BICRAL: variants seen among roughly 807,000 people sequenced by gnomAD.
BICRAL encodes the protein BICRA like chromatin remodeling complex associated protein, also known as BRD4-interacting chromatin-remodeling complex-associated protein-like.
Under a neutral mutation model 91.8 loss-of-function variants are expected in BICRAL, and 8 were observed. The ratio of observed to expected loss-of-function variants is 0.09; its 90% CI spans 0.05 to 0.16. BICRAL has a LOEUF of 0.16. BICRAL is among the 10% of genes least tolerant of loss of function. The pLI, the probability that BICRAL is intolerant of heterozygous loss-of-function variation, is 1.00. For missense variants in BICRAL, 1,038 were observed against 1,310.9 expected, an observed-to-expected ratio of 0.79 and a Z score of 3.21; for synonymous variants, 445 against 491.1, an observed-to-expected ratio of 0.91 and a Z score of 1.24.
At chr6:42,850,968 A>T (rs1765160436) in intron 6 of BICRAL, among the ~76,000 whole-genome samples, 1 of 152,116 alleles carries the variant, frequency 6.6e-6, no homozygotes, top group Non-Finnish European at 1.5e-5. Context: ...GGGTGGATGG[A>T]TCACTTGAGG....
chr6:42,812,399 C>T (rs953894176), intron 2 of BICRAL, among the ~76,000 whole-genome samples: 1 of 151,962 alleles, frequency 6.6e-6, no homozygotes, highest in Admixed American at 6.6e-5. Flanking sequence ...TCAAGACCAC[C>T]CTGGGCAACA....
At chr6:42,818,758 T>C (rs758640611) in intron 2 of BICRAL, among the ~76,000 whole-genome samples, 1 of 152,232 alleles carries the variant, frequency 6.6e-6, no homozygotes, top group Non-Finnish European at 1.5e-5. Flanking sequence ...GTGTAAGATA[T>C]GAGGTGTGAA....
chr6:42,822,339 C>T, intron 3 of BICRAL, among the ~76,000 whole-genome samples: 1 of 151,570 alleles, frequency 6.6e-6, no homozygotes, highest in South Asian at 2.1e-4. Flanking sequence ...CTCCCAGGCC[C>T]ACACGATCCT....
rs571056207 is a variant in BICRAL, at chr6:42,791,925, G to A, written c.-102+9824G>A. Among the ~76,000 whole-genome samples the A allele has an allele frequency of 2.0e-5, 3 of 152,288 alleles. No individual in the cohort carries two copies. In the South Asian group the frequency reaches 6.2e-4, roughly 32 times the overall value. On this transcript the variant is annotated intron_variant, in intron 1 of 12. Transcript: ENST00000314073. Reference sequence around the variant, plus strand: ...CCACACACCTAGGCTATATGATATAGCCTATTCCTCCTGTATTGTAAACCT... The same window carrying A: ...CCACACACCTAGGCTATATGATATAACCTATTCCTCCTGTATTGTAAACCT...
Position 42,862,539 on chromosome 6 carries a change from G to A in BICRAL, c.2379G>A (p.Met793Ile). 1.2e-6 allele frequency: 2 copies of A among 1,611,238 alleles called. No homozygotes were observed. Among genetic ancestry groups the A allele is most frequent in the East Asian group, 2.2e-5 (1 of 44,860 alleles). ...TCAATCCCTCTGCTGAGATGGTGAT[G>A]ATCGATAGGATGTTCAACCAGGAGG... ...MRINPSAEMV[M>I]IDRMFNQEER... The change falls in exon 12 of 13, where the codon ATG becomes ATA. Residue 793 changes from methionine to isoleucine, a missense_variant. Coordinates refer to ENST00000314073, the MANE Select transcript of BICRAL (RefSeq NM_001393499.1).
intron 6 of BICRAL, among the ~76,000 whole-genome samples, chr6:42,832,245 G>A (rs936940123): frequency 6.6e-5 from 10 of 151,330 alleles, no homozygotes; most frequent in African/African-American, 2.4e-4. Flanking sequence ...CTACTTAGGA[G>A]GCTGAGGCAG....
chr6:42,759,606 A>G (rs1296290326), intron 1 of BICRAL, among the ~76,000 whole-genome samples: 1 of 152,198 alleles, frequency 6.6e-6, no homozygotes, highest in Non-Finnish European at 1.5e-5. Flanking sequence ...GGTACCTGAC[A>G]GAGTGAACCT....
At chr6:42,861,663 C>T (rs1000308556) in intron 11 of BICRAL, among the ~76,000 whole-genome samples, 6 of 152,226 alleles carry the variant, frequency 3.9e-5, no homozygotes, top group South Asian at 2.1e-4. Flanking sequence ...AATGTGTATC[C>T]GTGTGTCTGT....
intron 1 of BICRAL, among the ~76,000 whole-genome samples, chr6:42,749,710 C>A (rs930563268): frequency 6.6e-6 from 1 of 152,062 alleles, no homozygotes; most frequent in Non-Finnish European, 1.5e-5. Flanking sequence ...AAAACAGTTA[C>A]CAACTGAGAA....
rs1765396081 is a variant in BICRAL at position 42,857,294 on chromosome 6, C to A, written c.2254+58C>A. On this transcript the variant is annotated intron_variant, in intron 10 of 12. Transcript: ENST00000314073. ...GATACCAGGAAACCCTCCATGGACACCCCCCAGAAAAGCAAGAGCCACATC... is the reference window on the plus strand; with the variant it reads ...GATACCAGGAAACCCTCCATGGACAACCCCCAGAAAAGCAAGAGCCACATC... 4 of 1,442,198 alleles carry A rather than the reference C, an allele frequency of 2.8e-6. No homozygotes were observed. The South Asian group carries it at 3.8e-5, about 14-fold the overall frequency. 89.3% of individuals were successfully genotyped at this position (1,442,198 alleles called of 1,614,324 possible). A position where few individuals can be genotyped will look rare whatever the true frequency, so the allele number is the denominator to read the frequency against.
At chr6:42,862,641 A>G in intron 12 of BICRAL, 29 bp downstream of exon 12, 6 of 1,290,672 alleles carry the variant, frequency 4.6e-6, no homozygotes, top group Non-Finnish European at 6.8e-6. Context: ...AAAGTAGTGG[A>G]TAGCTCCTGC....
chr6:42,751,743 C>T (rs555663013), intron 1 of BICRAL, among the ~76,000 whole-genome samples: 5 of 151,376 alleles, frequency 3.3e-5, no homozygotes, highest in African/African-American at 9.7e-5. Flanking sequence ...CCGCAACCCC[C>T]GCCTCCTGGG....
intron 10 of BICRAL, among the ~76,000 whole-genome samples, chr6:42,858,147 A>C (rs954081459): frequency 2.0e-5 from 3 of 151,664 alleles, no homozygotes; most frequent in Non-Finnish European, 4.4e-5. Context: ...TAGGCACTTG[A>C]GCTCCCAAAA....
intron 1 of BICRAL, among the ~76,000 whole-genome samples, chr6:42,768,148 G>A (rs932771255): frequency 6.6e-6 from 1 of 152,204 alleles, no homozygotes; most frequent in Non-Finnish European, 1.5e-5. Flanking sequence ...GCTTGACTGA[G>A]AGCAGTGGAA....
At chr6:42,791,425 T>A (rs9357404) in intron 1 of BICRAL, among the ~76,000 whole-genome samples, 1 of 152,028 alleles carries the variant, frequency 6.6e-6, no homozygotes, top group African/African-American at 2.4e-5. Context: ...TGTGAGAGAA[T>A]AAGATATGAA....
chr6:42,802,741 C>G (rs1763613040), intron 1 of BICRAL, among the ~76,000 whole-genome samples: 1 of 151,970 alleles, frequency 6.6e-6, no homozygotes, highest in South Asian at 2.1e-4. Context: ...GCCACCGTGC[C>G]TGGCCTTTTT....
rs1056799249 is a variant in BICRAL at position 42,819,723 on chromosome 6, T to A, written c.-5-2295T>A. On this transcript the variant is annotated intron_variant, in intron 2 of 12. Coordinates refer to ENST00000314073, the MANE Select transcript of BICRAL (RefSeq NM_001393499.1). Reference sequence around the variant, plus strand: ...ACTACATTTTGGCATTATTTGAAGCTAGAGAATACAGGGCTAAGGGTCATC... The same window carrying A: ...ACTACATTTTGGCATTATTTGAAGCAAGAGAATACAGGGCTAAGGGTCATC... 2.0e-5 allele frequency among the ~76,000 whole-genome samples: 3 copies of A among 152,340 alleles called. No homozygotes were observed. In the South Asian group the frequency reaches 6.2e-4, roughly 32 times the overall value.
At position 42,865,125 on chromosome 6, in the gene BICRAL, G is replaced by A. The variant is rs969734840; in HGVS notation, c.2919G>A (p.Gln973=). ...HLEMTCNNSF[Q]DKSLRNSPKN... The stretch of plus-strand genomic sequence containing the variant: ...AGATGACGTGTAACAATTCCTTCCA[G>A]GACAAAAGTCTGAGGAATTCTCCAA... The change falls in exon 13 of 13, where the codon CAG becomes CAA. Residue 973 remains glutamine, a synonymous_variant. Transcript: ENST00000314073. The A allele has an allele frequency of 6.2e-7, 1 of 1,614,064 alleles. No homozygotes were observed. Among genetic ancestry groups the A allele is most frequent in the Admixed American group, 1.7e-5 (1 of 60,012 alleles).
intron 1 of BICRAL, among the ~76,000 whole-genome samples, chr6:42,773,846 T>C (rs1018679958): frequency 3.9e-5 from 6 of 152,230 alleles, no homozygotes; most frequent in African/African-American, 7.2e-5. Flanking sequence ...TGATGGCCCA[T>C]TGCAGCTTTG....
Sources: allele counts gnomAD v4.1 joint callset (sites outside exome capture counted in the v4.1 genomes callset), GRCh38; gene constraint gnomAD v4.1.1; transcripts MANE v1.5; gene names NCBI Gene and HGNC (gene_info 2026-07-23, HGNC 2026-07-21).